PSME4: variants seen among roughly 807,000 people sequenced by gnomAD.
The protein encoded by PSME4 is proteasome activator subunit 4.
PSME4 carries 89 observed loss-of-function variants against 253.9 expected under a neutral mutation model. That is an observed-to-expected ratio of 0.35 (90% CI 0.30 to 0.42). The LOEUF (loss-of-function observed/expected upper bound fraction) is 0.42. PSME4 is among the 10% of genes least tolerant of loss of function. The pLI is 1.00. For missense variants in PSME4, 2,014 were observed against 2,195.2 expected (o/e 0.92, Z 1.65); for synonymous variants, 851 against 759.2 (o/e 1.12, Z -1.99).
In PSME4 at chr2:53,864,269, C is replaced by T. The variant is rs115978586; in HGVS notation, c.*1309G>A. On this transcript the variant is annotated 3_prime_UTR_variant, in exon 47 of 47. Coordinates refer to ENST00000404125, the MANE Select transcript of PSME4 (RefSeq NM_014614.3). ...TAGTGTTCCTTTAAGGAAGACTGTA[C>T]AGGGTGTGTTGCAAGATGACATTCA... 171 of 152,446 alleles carry T rather than the reference C, an allele frequency of 1.1e-3. 1 individual carries two copies. Among genetic ancestry groups the T allele is most frequent in the African/African-American group, 3.9e-3 (161 of 41,512 alleles). The allele number at this position is 152,446 out of a possible 1,614,324, so 9.4% of individuals were successfully genotyped here. A position where few individuals can be genotyped will look rare whatever the true frequency, so the allele number is the denominator to read the frequency against.
At chr2:53,922,919 A>C in intron 16 of PSME4, 130 bp downstream of exon 16, 1 of 786,034 alleles carries the variant, frequency 1.3e-6, no homozygotes, top group Non-Finnish European at 1.9e-6. Flanking sequence ...TTTTGGAGAC[A>C]AATTTTCCCC....
intron 21 of PSME4, 73 bp downstream of exon 21, chr2:53,910,002 C>A: frequency 4.9e-6 from 6 of 1,223,526 alleles, no homozygotes; most frequent in Non-Finnish European, 7.3e-6. Context: ...CTACTTCATA[C>A]TTCATTTTAG....
chr2:53,924,535 T>C (rs2104454263), intron 14 of PSME4, among the ~76,000 whole-genome samples: 1 of 152,340 alleles, frequency 6.6e-6, no homozygotes, highest in Middle Eastern at 3.4e-3. Context: ...TAGGATTTAA[T>C]TTCTATCATG....
Position 53,970,897 on chromosome 2 carries a change from G to T in PSME4, c.-113C>A. On this transcript the variant is annotated 5_prime_UTR_variant, in exon 1 of 47. Coordinates refer to ENST00000404125, the MANE Select transcript of PSME4 (RefSeq NM_014614.3). ...GTCGCCCTGCGGCCGCTGGCGGCCC[G>T]TCGCCCTCGGACCGATCGCTAGGCC... 4.3e-6 allele frequency: 4 copies of T among 934,194 alleles called. No homozygotes were observed. The highest frequency in any genetic ancestry group is 6.0e-6 in the Non-Finnish European group (4 of 664,270). 57.9% of individuals were successfully genotyped at this position (934,194 alleles called of 1,614,324 possible).
intron 42 of PSME4, among the ~76,000 whole-genome samples, chr2:53,875,261 A>C (rs1301236684): frequency 6.6e-6 from 1 of 152,256 alleles, no homozygotes; most frequent in African/African-American, 2.4e-5. Context: ...CAGAAAATGT[A>C]CAGTCAGTAT....
chr2:53,876,266 G>A (rs759535815), intron 41 of PSME4, among the ~76,000 whole-genome samples: 23 of 151,798 alleles, frequency 1.5e-4, no homozygotes, highest in Non-Finnish European at 2.6e-4. Context: ...ATTCCCCCCC[G>A]CAACTATCTT....
At chr2:53,915,774 A>T (rs1214866250) in intron 20 of PSME4, among the ~76,000 whole-genome samples, 1 of 152,142 alleles carries the variant, frequency 6.6e-6, no homozygotes, top group African/African-American at 2.4e-5. Flanking sequence ...ATGTTTAAAA[A>T]AAAGAATTTT....
intron 33 of PSME4, 123 bp downstream of exon 33, chr2:53,895,460 G>A: frequency 2.1e-6 from 2 of 974,796 alleles, no homozygotes; most frequent in Non-Finnish European, 3.0e-6. Flanking sequence ...AAGAAAGAGA[G>A]GACTAGGGAA....
chr2:53,930,409 G>C (rs928621288), intron 10 of PSME4, among the ~76,000 whole-genome samples: 2 of 152,166 alleles, frequency 1.3e-5, no homozygotes, highest in Admixed American at 6.6e-5. Context: ...GGGAGCATCA[G>C]GGAACCTAAC....
At chr2:53,892,757 G>A in intron 36 of PSME4, 51 bp downstream of exon 36, 6 of 1,543,006 alleles carry the variant, frequency 3.9e-6, no homozygotes, top group Non-Finnish European at 5.3e-6. Context: ...CCACCAAAAT[G>A]GGTAACATAG....
At chr2:53,888,595 T>C (rs1285757407) in intron 38 of PSME4, 126 bp downstream of exon 38, 2 of 611,998 alleles carry the variant, frequency 3.3e-6, no homozygotes, top group Non-Finnish European at 5.5e-6. Flanking sequence ...CCAGATCACA[T>C]CACCTTCCAG....
chr2:53,922,805 TC>T (rs66497016), intron 16 of PSME4, among the ~76,000 whole-genome samples: 18,881 of 152,124 alleles, frequency 0.12, 2,010 homozygotes, highest in African/African-American at 0.29. Flanking sequence ...CCTCTATATC[TC>T]ACAAAATAAC....
chr2:53,966,002 G>A (rs1670717863), intron 1 of PSME4, among the ~76,000 whole-genome samples: 1 of 152,072 alleles, frequency 6.6e-6, no homozygotes, highest in African/African-American at 2.4e-5. Context: ...TCCACTACTG[G>A]CACTACATGG....
rs763015346 is a variant in PSME4 at position 53,901,565 on chromosome 2, GA to G, written c.3076-7del. 86 of 1,556,938 alleles carry G rather than the reference GA, an allele frequency of 5.5e-5. No homozygotes were observed. The highest frequency in any genetic ancestry group is 7.1e-5 in the South Asian group (6 of 84,858). On this transcript the variant is annotated splice_region_variant and splice_polypyrimidine_tract_variant and intron_variant, in intron 27 of 46. Transcript: ENST00000404125. Reference sequence around the variant, plus strand: ...AGGAGACAGTACAAGGCACCCTGCAGAAAAAAAAATATATATATGTTTACAT... The same window carrying G: ...AGGAGACAGTACAAGGCACCCTGCAGAAAAAAAATATATATATGTTTACAT...
chr2:53,943,872 T>C (rs1183693377), intron 3 of PSME4, among the ~76,000 whole-genome samples: 4 of 142,280 alleles, frequency 2.8e-5, no homozygotes, highest in Admixed American at 7.0e-5. Flanking sequence ...AAAAAAGGTA[T>C]AAATAATAAG....
intron 8 of PSME4, among the ~76,000 whole-genome samples, chr2:53,934,339 C>T (rs889873015): frequency 1.3e-5 from 2 of 152,136 alleles, no homozygotes; most frequent in Admixed American, 6.5e-5. Flanking sequence ...GTCTGGTTCC[C>T]GGACAGTAAA....
chr2:53,887,269 G>C lies in PSME4; in HGVS notation c.4719C>G (p.Leu1573=). ...EEDERTQGIK[L]LKTILKWLMA... ...ATTTTATCCACTCACTGGTTTTCAA[G>C]AGTTTAATGCCCTGAGTTCGCTCAT... The change falls in exon 40 of 47, where the codon CTC becomes CTG. Residue 1573 remains leucine, a synonymous_variant. Coordinates refer to ENST00000404125, the MANE Select transcript of PSME4 (RefSeq NM_014614.3). 6.2e-7 allele frequency: 1 copy of C among 1,612,540 alleles called. No homozygotes were observed. Among genetic ancestry groups the C allele is most frequent in the Non-Finnish European group, 8.5e-7 (1 of 1,178,684 alleles).
Position 53,874,388 on chromosome 2 carries a change from T to G in PSME4, c.5051A>C (p.Lys1684Thr), listed in dbSNP as rs1427126165. ...FIFLNNEDAV[K>T]DIRWLVISLL... ...ACTTATAACCAGCCACCTGATATCT[T>G]TAACTGCATCTTCATTGTTTAGGAA... Residue 1684 changes from lysine to threonine, a missense_variant, in exon 43 of 47, where the codon AAA becomes ACA. This residue lies in a region of PSME4 where 403 missense variants were observed against 556.1 expected (regional missense o/e 0.72). Transcript: ENST00000404125. 1.2e-6 allele frequency: 2 copies of G among 1,614,124 alleles called. No homozygotes were observed. Among genetic ancestry groups the G allele is most frequent in the Non-Finnish European group, 1.7e-6 (2 of 1,179,982 alleles).
intron 37 of PSME4, 103 bp downstream of exon 37, chr2:53,890,001 C>G: frequency 1.1e-6 from 1 of 922,556 alleles, no homozygotes; most frequent in Non-Finnish European, 1.7e-6. Flanking sequence ...AAACAAAACC[C>G]AAAAAGATTT....
Sources: allele counts gnomAD v4.1 joint callset (sites outside exome capture counted in the v4.1 genomes callset), GRCh38; gene constraint gnomAD v4.1.1; regional missense constraint gnomAD v4.1.1; transcripts MANE v1.5; gene names NCBI Gene and HGNC (gene_info 2026-07-23, HGNC 2026-07-21).